Variants in MGAM observed in about 807,000 individuals in gnomAD.
MGAM encodes alpha-1,4-glucosidase.
MGAM carries 253 observed loss-of-function variants against 358.8 expected under a neutral mutation model. The observed-to-expected ratio is 0.71, with a 90% CI of 0.64 to 0.78. The LOEUF (loss-of-function observed/expected upper bound fraction) is 0.78, where lower values mean the gene tolerates loss of function less well. Ranked by LOEUF, MGAM falls within the 30% of genes least tolerant of loss-of-function variation. The pLI, the probability that MGAM is intolerant of heterozygous loss-of-function variation, is 0.00. For synonymous variants in MGAM, 1,105 were observed against 1,227.1 expected (o/e 0.90, Z 2.08); for missense variants, 3,080 against 3,432.6 (o/e 0.90, Z 2.57).
In MGAM at chr7:142,005,653, A is replaced by C. The variant is rs1554452133; in HGVS notation, c.123A>C (p.Ser41=). The C allele has an allele frequency of 6.2e-7, 1 of 1,601,208 alleles. No individual in the cohort carries two copies. The highest frequency in any genetic ancestry group is 2.2e-5 in the East Asian group (1 of 44,484). The stretch of plus-strand genomic sequence containing the variant: ...TTTTAGCCAAAGAGTCACTGAAATC[A>C]ACAGGTAAGAAGTAACTCTGGGGCT... ...IVLLAKESLK[S]TAPDPGTTGT... is the part of the protein sequence containing the mutation. The change falls in exon 2 of 71, where the codon TCA becomes TCC. Residue 41 remains serine (S), a synonymous_variant. Transcript: ENST00000475668.
chr7:142,102,395 C>T (rs1405423485), intron 68 of MGAM, among the ~76,000 whole-genome samples: 1 of 152,208 alleles, frequency 6.6e-6, no homozygotes, highest in Non-Finnish European at 1.5e-5. Flanking sequence ...TGTGTCTATA[C>T]ACATTCATTT....
At chr7:142,094,952 A>T in intron 63 of MGAM, 89 bp downstream of exon 63, 1 of 1,324,060 alleles carries the variant, frequency 7.6e-7, no homozygotes, top group Non-Finnish European at 1.0e-6. Flanking sequence ...ATTTCCTGTG[A>T]TATCTTTAAA....
At chr7:142,064,274 A>C in intron 36 of MGAM, 110 bp from the exon 37 acceptor site, 1 of 1,478,460 alleles carries the variant, frequency 6.8e-7, no homozygotes, top group Non-Finnish European at 9.2e-7. Context: ...GGAGAGCGAC[A>C]CAGGCAGGAC....
rs191210728 is a variant in MGAM at position 142,106,581 on chromosome 7, G to C, written c.*690G>C. The C allele has an allele frequency of 2.6e-5, 4 of 152,292 alleles. No individual in the cohort carries two copies. The East Asian group carries it at 7.7e-4, about 29-fold the overall frequency. The allele number at this position is 152,292 out of a possible 1,614,324, so 9.4% of individuals were successfully genotyped here. The stretch of plus-strand genomic sequence containing the variant: ...AGGGCTACTGGTGAGATTGAGATCT[G>C]AGCAGGCAAAGCTCAAAAGAGAGTT... On this transcript the variant is annotated 3_prime_UTR_variant, in exon 71 of 71. Transcript: ENST00000475668.
intron 21 of MGAM, among the ~76,000 whole-genome samples, chr7:142,041,999 TTA>T (rs1554469073): frequency 3.3e-4 from 4 of 11,990 alleles, no homozygotes; most frequent in East Asian, 3.6e-3. Flanking sequence ...TATATATATA[TTA>T]TATATATAAT....
chr7:142,093,382 G>A, intron 59 of MGAM, 30 bp from the exon 60 acceptor site: 2 of 1,521,436 alleles, frequency 1.3e-6, no homozygotes, highest in Non-Finnish European at 9.0e-7. Context: ...ATCAGGGCTG[G>A]ATTTCACCTC....
Position 142,055,621 on chromosome 7 carries a change from T to A in MGAM, c.3378T>A (p.Leu1126=). 3 of 1,613,908 alleles carry A rather than the reference T, an allele frequency of 1.9e-6. No individual in the cohort carries two copies. The highest frequency in any genetic ancestry group is 2.5e-6 in the Non-Finnish European group (3 of 1,179,872). Residue 1126 remains leucine, a synonymous_variant, in exon 28 of 71, where the codon CTT becomes CTA. Coordinates refer to ENST00000475668, the MANE Select transcript of MGAM (RefSeq NM_001365693.1). The part of the protein sequence containing the change: ...SDMFIRISTR[L]PSKYLYGFGE... ...TGTTTATCCGCATCTCCACCCGCCTTCCCTCCAAGTACCTCTATGGCTTTG... is the reference window on the plus strand; with the variant it reads ...TGTTTATCCGCATCTCCACCCGCCTACCCTCCAAGTACCTCTATGGCTTTG...
chr7:142,006,049 TA>T (rs546249748), intron 2 of MGAM, among the ~76,000 whole-genome samples: 32 of 151,788 alleles, frequency 2.1e-4, no homozygotes, highest in Non-Finnish European at 4.0e-4. Context: ...AAGATAAAAA[TA>T]AAAAAAACTT....
chr7:142,027,715 C>G lies in MGAM; in HGVS notation c.1201C>G (p.Arg401Gly), dbSNP rs188481752. 22 of 1,612,220 alleles carry G rather than the reference C, an allele frequency of 1.4e-5. No individual in the cohort carries two copies. The highest frequency in any genetic ancestry group is 8.5e-7 in the Non-Finnish European group (1 of 1,178,986). ...DNMREVVERN[R>G]AAQLPYDVQH... ...CATGAGGGAAGTCGTGGAGAGAAAT[C>G]GCGCAGCACAGCTCCCTTATGTAAG... Residue 401 changes from arginine (R) to glycine (G), a missense_variant, in exon 10 of 71, where the codon CGC becomes GGC. Arg to Gly is a moderately radical substitution (Grantham distance 125, BLOSUM62 -2). Coordinates refer to ENST00000475668, the MANE Select transcript of MGAM (RefSeq NM_001365693.1).
chr7:142,007,290 CT>C (rs1554452740), intron 2 of MGAM, among the ~76,000 whole-genome samples: 1 of 151,970 alleles, frequency 6.6e-6, no homozygotes, highest in Non-Finnish European at 1.5e-5. Context: ...TCTAATCAAA[CT>C]TTTTTTGTTT....
chr7:142,032,035 T>C (rs1807546718), intron 13 of MGAM, among the ~76,000 whole-genome samples: 3 of 117,656 alleles, frequency 2.5e-5, no homozygotes, highest in East Asian at 2.0e-4. Context: ...GTCTAGCTCT[T>C]TTTTTTTTTT....
At chr7:142,066,174 A>G (rs1812736652) in intron 40 of MGAM, among the ~76,000 whole-genome samples, 1 of 144,862 alleles carries the variant, frequency 6.9e-6, no homozygotes, top group African/African-American at 2.4e-5. Flanking sequence ...ATTTCACAGG[A>G]TGGTCTCGAA....
intron 21 of MGAM, among the ~76,000 whole-genome samples, chr7:142,043,724 A>G (rs1486585031): frequency 1.5e-5 from 2 of 131,216 alleles, no homozygotes; most frequent in South Asian, 4.5e-4. Context: ...TGTAATATGT[A>G]ATATATAATA....
At chr7:142,057,065 T>G (rs546471743) in intron 30 of MGAM, 123 bp downstream of exon 30, 1 of 852,906 alleles carries the variant, frequency 1.2e-6, no homozygotes, top group African/African-American at 1.7e-5. Context: ...GGAGAGAGAT[T>G]ATAGAATGAG....
At chr7:142,027,761 C>T (rs782535389) in intron 10 of MGAM, 26 bp downstream of exon 10, 1 of 1,508,234 alleles carries the variant, frequency 6.6e-7, no homozygotes, top group South Asian at 1.4e-5. Flanking sequence ...AACAGTTCTC[C>T]AAAAGTAAAG....
chr7:142,016,084 G>A (rs907528737), intron 3 of MGAM, among the ~76,000 whole-genome samples: 3 of 151,970 alleles, frequency 2.0e-5, no homozygotes, highest in South Asian at 2.1e-4. Flanking sequence ...GATAAGACTC[G>A]GCTGTAGTTA....
chr7:142,021,503 G>A, intron 5 of MGAM, 83 bp from the exon 6 acceptor site: 1 of 1,371,550 alleles, frequency 7.3e-7, no homozygotes, highest in Non-Finnish European at 1.0e-6. Context: ...ATCAGTGCCT[G>A]ATTCCAGTAT....
chr7:142,045,404 T>TATATATTATATATACCTATAATACATG (rs1160311284), intron 21 of MGAM, among the ~76,000 whole-genome samples: 3 of 105,456 alleles, frequency 2.8e-5, no homozygotes, highest in African/African-American at 3.8e-5. Flanking sequence ...TGATATATTA[T>TATATATTATATATACCTATAATACATG]ATATATTATA....
rs779588141 is a variant in MGAM, at chr7:142,052,829, C to G, written c.3004C>G (p.Leu1002Val). ...CCCTTTTTGCTATTTTGTCAACGACCTATACTCTGTCAGTGATGTTCAGTA... is the reference window on the plus strand; with the variant it reads ...CCCTTTTTGCTATTTTGTCAACGACGTATACTCTGTCAGTGATGTTCAGTA... ...GVPFCYFVNDLYSVSDVQYNS... is the reference protein window; with the variant it reads ...GVPFCYFVNDVYSVSDVQYNS... Residue 1002 changes from leucine to valine, a missense_variant, in exon 26 of 71, where the codon CTA (leucine) becomes GTA (valine). Physicochemically the swap from Leu to Val is conservative, Grantham distance 32 (BLOSUM62 1). Coordinates refer to ENST00000475668, the MANE Select transcript of MGAM (RefSeq NM_001365693.1). 8 of 1,613,876 alleles carry G rather than the reference C, an allele frequency of 5.0e-6. No homozygotes were observed. Among genetic ancestry groups the G allele is most frequent in the Non-Finnish European group, 6.8e-6 (8 of 1,179,836 alleles).
Sources: gnomAD v4.1 joint callset for allele counts (sites outside exome capture counted in the v4.1 genomes callset) on GRCh38, gnomAD v4.1.1 for gene constraint, MANE v1.5 for transcripts, NCBI Gene and HGNC (gene_info 2026-07-23, HGNC 2026-07-21) for gene names.